The following UNC13C variants were observed in gnomAD, a reference collection of about 807,000 sequenced individuals.
UNC13C encodes unc-13 homolog C.
A neutral mutation model predicts 245.4 loss-of-function variants in UNC13C; 174 were observed. That is an observed-to-expected ratio of 0.71 (90% CI 0.63 to 0.80). UNC13C has a LOEUF of 0.80. Among genes scored for constraint, UNC13C ranks in the 30% least tolerant of loss-of-function variants. The pLI, the probability that UNC13C is intolerant of heterozygous loss-of-function variation, is 0.00. For missense variants in UNC13C, 2,829 were observed against 2,602.9 expected, an observed-to-expected ratio of 1.09 and a Z score of -1.89; for synonymous variants, 992 against 895.1, an observed-to-expected ratio of 1.11 and a Z score of -1.93.
chr15:54,339,891 G>C (rs56390619), intron 17 of UNC13C, among the ~76,000 whole-genome samples: 38,526 of 152,044 alleles, frequency 0.25, 5,286 homozygotes, highest in Admixed American at 0.34. Context: ...GGTTGTGCTA[G>C]TTTACATTCC....
At chr15:54,442,708 A>G (rs184711245) in intron 19 of UNC13C, among the ~76,000 whole-genome samples, 1 of 152,086 alleles carries the variant, frequency 6.6e-6, no homozygotes, top group African/African-American at 2.4e-5. Flanking sequence ...TCATTCTTTG[A>G]TGTGATGTAT....
At chr15:54,467,799 C>A (rs1398133948) in intron 19 of UNC13C, among the ~76,000 whole-genome samples, 1 of 151,656 alleles carries the variant, frequency 6.6e-6, no homozygotes, top group Non-Finnish European at 1.5e-5. Context: ...CTGCCCTGCT[C>A]TTTTAAGGCT....
In UNC13C at chr15:54,237,702, A is replaced by G. The variant is rs1361280363; in HGVS notation, c.3228+12A>G. 6.3e-6 allele frequency: 10 copies of G among 1,589,062 alleles called. No individual in the cohort carries two copies. The South Asian group carries it at 7.9e-5, about 13-fold the overall frequency. On this transcript the variant is annotated intron_variant, in intron 7 of 32. Coordinates refer to ENST00000260323, the MANE Select transcript of UNC13C (RefSeq NM_001080534.3). Reference sequence around the variant, plus strand: ...ATAATGAGGAACTGGTAAGTACTAGATATTGCTCATAATATCTAACTAGAT... The same window carrying G: ...ATAATGAGGAACTGGTAAGTACTAGGTATTGCTCATAATATCTAACTAGAT...
chr15:54,320,581 A>G (rs957385247), intron 13 of UNC13C: 83 of 175,874 alleles, frequency 4.7e-4, no homozygotes, highest in African/African-American at 1.9e-3. Context: ...ACACATGAGT[A>G]TTGTCTAAAA....
chr15:54,109,171 A>C (rs907081263), intron 2 of UNC13C, among the ~76,000 whole-genome samples: 18 of 152,084 alleles, frequency 1.2e-4, no homozygotes, highest in African/African-American at 3.6e-4. Context: ...GTGCTTTACA[A>C]AGCTGAAGGA....
At chr15:53,841,083 A>G in the UNC13C span, among the ~76,000 whole-genome samples, 2 of 152,114 alleles carry the variant, frequency 1.3e-5, no homozygotes, top group African/African-American at 4.8e-5. Flanking sequence ...GTTTGCTTTC[A>G]TTTGCCTTTT....
At chr15:54,514,552 A>G (rs77111327) in intron 24 of UNC13C, among the ~76,000 whole-genome samples, 5,107 of 152,284 alleles carry the variant, frequency 0.034, 320 homozygotes, top group African/African-American at 0.12. Flanking sequence ...TTTTAATGCT[A>G]TGTGTTTATT....
chr15:54,534,767 A>G (rs1344839834), intron 26 of UNC13C, among the ~76,000 whole-genome samples: 2 of 152,176 alleles, frequency 1.3e-5, no homozygotes, highest in East Asian at 1.9e-4. Flanking sequence ...AAAACTCACT[A>G]TAAGAATTTC....
chr15:54,453,824 A>C (rs1891319083), intron 19 of UNC13C, among the ~76,000 whole-genome samples: 1 of 152,204 alleles, frequency 6.6e-6, no homozygotes, highest in Admixed American at 6.5e-5. Context: ...ATGTAGGTGA[A>C]ATACACATAA....
intron 30 of UNC13C, among the ~76,000 whole-genome samples, chr15:54,585,629 A>G (rs1203799522): frequency 1.3e-5 from 2 of 152,200 alleles, no homozygotes; most frequent in African/African-American, 2.4e-5. Flanking sequence ...AATATAAATG[A>G]AAACATAATC....
chr15:54,112,514 C>T (rs142980094), intron 2 of UNC13C, among the ~76,000 whole-genome samples: 104 of 152,284 alleles, frequency 6.8e-4, no homozygotes, highest in African/African-American at 2.5e-3. Context: ...ATGTTGTCTG[C>T]TTCTTACTGT....
At chr15:54,041,784 A>G (rs1212407288) in intron 2 of UNC13C, among the ~76,000 whole-genome samples, 1 of 152,254 alleles carries the variant, frequency 6.6e-6, no homozygotes, top group Non-Finnish European at 1.5e-5. Context: ...TATCTGGTAC[A>G]TAATAAATGC....
the UNC13C span, among the ~76,000 whole-genome samples, chr15:53,919,602 C>T: frequency 6.6e-6 from 1 of 152,148 alleles, no homozygotes; most frequent in Non-Finnish European, 1.5e-5. Flanking sequence ...CTGTAATATT[C>T]CAAGGAGCTG....
rs563504258 is a variant in UNC13C at position 54,441,708 on chromosome 15, T to G, written c.4933+26641T>G. On this transcript the variant is annotated intron_variant, in intron 19 of 32. Transcript: ENST00000260323. ...GGCTACATAGGAATTTTAGGATTTTTTTTTTCATTTATTTGAAAAACTACG... is the reference window on the plus strand; with the variant it reads ...GGCTACATAGGAATTTTAGGATTTTGTTTTTCATTTATTTGAAAAACTACG... Among the ~76,000 whole-genome samples the G allele has an allele frequency of 1.8e-4, 27 of 152,246 alleles. No homozygotes were observed. In the East Asian group the frequency reaches 5.2e-3, roughly 29 times the overall value.
At chr15:54,562,058 T>G (rs1897316329) in intron 29 of UNC13C, among the ~76,000 whole-genome samples, 1 of 151,898 alleles carries the variant, frequency 6.6e-6, no homozygotes, top group Non-Finnish European at 1.5e-5. Flanking sequence ...CCTAGTGCCA[T>G]GTTGGAGTTA....
intron 1 of UNC13C, among the ~76,000 whole-genome samples, chr15:53,988,584 C>T (rs1894248586): frequency 6.6e-6 from 1 of 151,768 alleles, no homozygotes; most frequent in South Asian, 2.1e-4. Context: ...TTTAGTATTG[C>T]AACAGGAATG....
At chr15:54,105,387 G>A (rs138798178) in intron 2 of UNC13C, among the ~76,000 whole-genome samples, 24 of 152,280 alleles carry the variant, frequency 1.6e-4, no homozygotes, top group African/African-American at 5.8e-4. Flanking sequence ...TCAATGTGGA[G>A]CCTGTCAGGG....
intron 30 of UNC13C, among the ~76,000 whole-genome samples, chr15:54,613,370 A>AATAGCAACACAATT: frequency 6.6e-6 from 1 of 151,954 alleles, no homozygotes; most frequent in Non-Finnish European, 1.5e-5. Flanking sequence ...TTTACTAAAT[A>AATAGCAACACAATT]TTAATAGGAG....
intron 27 of UNC13C, among the ~76,000 whole-genome samples, chr15:54,547,317 A>G (rs1896530030): frequency 1.3e-5 from 2 of 152,126 alleles, no homozygotes; most frequent in South Asian, 2.1e-4. Flanking sequence ...TCTTTTAGTG[A>G]ATCTGAAAAA....
Sources: allele counts gnomAD v4.1 joint callset (sites outside exome capture counted in the v4.1 genomes callset), GRCh38; gene constraint gnomAD v4.1.1; transcripts MANE v1.5; gene names NCBI Gene and HGNC (gene_info 2026-07-23, HGNC 2026-07-21).